Variants in MTNR1A observed in about 807,000 individuals in gnomAD.
The protein encoded by MTNR1A is melatonin receptor type 1A.
A neutral mutation model predicts 5.5 loss-of-function variants in MTNR1A; 7 were observed. The observed-to-expected ratio is 1.28, with a 90% CI of 0.73 to 2.40. The LOEUF (loss-of-function observed/expected upper bound fraction) is 2.40, where lower values mean the gene tolerates loss of function less well. MTNR1A is among the 30% of genes most tolerant of loss of function. MTNR1A has a pLI of 0.00. For synonymous variants in MTNR1A, 196 were observed against 202.7 expected (o/e 0.97, Z 0.28); for missense variants, 441 against 464.4 (o/e 0.95, Z 0.46).
Position 186,534,039 on chromosome 4 carries a change from T to C in MTNR1A, c.703A>G (p.Arg235Gly). The C allele has an allele frequency of 6.2e-7, 1 of 1,614,132 alleles. No homozygotes were observed. The highest frequency in any genetic ancestry group is 8.5e-7 in the Non-Finnish European group (1 of 1,180,046). Residue 235 changes from arginine (R) to glycine (G), a missense_variant, in exon 2 of 2, where the codon AGG becomes GGG. Physicochemically the swap from Arg to Gly is moderately radical, Grantham distance 125. Coordinates refer to ENST00000307161, the MANE Select transcript of MTNR1A (RefSeq NM_005958.4). Reference protein sequence around the residue: ...RKPKLKPQDFRNFVTMFVVFV... With the variant: ...RKPKLKPQDFGNFVTMFVVFV... Reference sequence around the variant, plus strand: ...ACCACAAACATGGTGACAAAATTCCTGAAGTCCTGTGGTTTCAGTTTGGGT... The same window carrying C: ...ACCACAAACATGGTGACAAAATTCCCGAAGTCCTGTGGTTTCAGTTTGGGT...
chr4:186,535,014 A>G (rs1218469362), intron 1 of MTNR1A, among the ~76,000 whole-genome samples: 2 of 152,252 alleles, frequency 1.3e-5, no homozygotes, highest in East Asian at 3.9e-4. Flanking sequence ...TGCTGATCCC[A>G]TAGAGAGGGA....
At chr4:186,548,294 C>A (rs1293642759) in intron 1 of MTNR1A, among the ~76,000 whole-genome samples, 3 of 151,938 alleles carry the variant, frequency 2.0e-5, no homozygotes, top group African/African-American at 7.3e-5. Context: ...CATAATAGAA[C>A]CCTATTTATA....
At chr4:186,545,472 G>A (rs1392483609) in intron 1 of MTNR1A, among the ~76,000 whole-genome samples, 1 of 152,174 alleles carries the variant, frequency 6.6e-6, no homozygotes, top group Non-Finnish European at 1.5e-5. Context: ...GGTGAGCACA[G>A]AGCCTGGCCC....
At chr4:186,550,040 G>A (rs955016953) in intron 1 of MTNR1A, among the ~76,000 whole-genome samples, 2 of 152,168 alleles carry the variant, frequency 1.3e-5, no homozygotes, top group Non-Finnish European at 2.9e-5. Context: ...TGGCATTGCC[G>A]AAAGTGTATA....
intron 1 of MTNR1A, among the ~76,000 whole-genome samples, chr4:186,537,896 T>C (rs953135498): frequency 2.6e-5 from 4 of 152,244 alleles, no homozygotes; most frequent in African/African-American, 9.6e-5. Context: ...TAAGTCAGTA[T>C]GCTGGCAACA....
intron 1 of MTNR1A, among the ~76,000 whole-genome samples, chr4:186,545,042 TC>T (rs1358528983): frequency 1.3e-5 from 2 of 152,136 alleles, no homozygotes; most frequent in African/African-American, 4.8e-5. Flanking sequence ...ACCCCATCCC[TC>T]CCTGACCCTT....
chr4:186,551,545 GGATGGATGGATA>G (rs963362384), intron 1 of MTNR1A, among the ~76,000 whole-genome samples: 8 of 152,062 alleles, frequency 5.3e-5, no homozygotes, highest in Admixed American at 2.0e-4. Context: ...GTAGGTAGGT[GGATGGATGGATA>G]GATGGATGGA....
At position 186,555,028 on chromosome 4, in the gene MTNR1A, C is replaced by T. The variant is rs1259549045; in HGVS notation, c.184+154G>A. Reference sequence around the variant, plus strand: ...GCGCCTTATGAAAAGGCACTTTCAACGGGCAGGCTGGAGAAGAGTCCTCTC... The same window carrying T: ...GCGCCTTATGAAAAGGCACTTTCAATGGGCAGGCTGGAGAAGAGTCCTCTC... On this transcript the variant is annotated intron_variant, in intron 1 of 1. Transcript: ENST00000307161. The surrounding 1 kb of genome is among the most constrained non-coding windows in gnomAD (Gnocchi z 4.1). Among the ~76,000 whole-genome samples the T allele has an allele frequency of 6.6e-6, 1 of 152,192 alleles. No individual in the cohort carries two copies. The highest frequency in any genetic ancestry group is 1.5e-5 in the Non-Finnish European group (1 of 68,032).
intron 1 of MTNR1A, among the ~76,000 whole-genome samples, chr4:186,552,387 C>T (rs939889483): frequency 3.2e-4 from 49 of 152,298 alleles, no homozygotes; most frequent in African/African-American, 1.1e-3. Context: ...ATTGGCTGTA[C>T]TCTACCTCAG....
chr4:186,552,388 T>C (rs1286043487), intron 1 of MTNR1A, among the ~76,000 whole-genome samples: 2 of 152,234 alleles, frequency 1.3e-5, no homozygotes, highest in Non-Finnish European at 2.9e-5. Flanking sequence ...TTGGCTGTAC[T>C]CTACCTCAGT....
chr4:186,555,401 C>A lies in MTNR1A; in HGVS notation c.-36G>T. ...CGCGTCCCGGCCGCGGGGCCATCGC[C>A]CGCCTCGTCCGCCCGCCCGACCACT... On this transcript the variant is annotated 5_prime_UTR_variant, in exon 1 of 2. Coordinates refer to ENST00000307161, the MANE Select transcript of MTNR1A (RefSeq NM_005958.4). The surrounding 1 kb of genome is among the most constrained non-coding windows in gnomAD (Gnocchi z 4.1). The A allele has an allele frequency of 7.4e-7, 1 of 1,354,074 alleles. No individual in the cohort carries two copies. The highest frequency in any genetic ancestry group is 3.2e-5 in the East Asian group (1 of 31,240). 83.9% of individuals were successfully genotyped at this position (1,354,074 alleles called of 1,614,324 possible). A position where few individuals can be genotyped will look rare whatever the true frequency, so the allele number is the denominator to read the frequency against.
chr4:186,534,518 A>G lies in MTNR1A; in HGVS notation c.224T>C (p.Val75Ala), dbSNP rs1392130929. ...FVVSLAVADL[V>A]VAIYPYPLVL... is the part of the protein sequence containing the mutation. ...CAACGGGTACGGATAAATGGCCACC[A>G]CCAGGTCTGCCACCGCTAAGCTCAC... The change falls in exon 2 of 2, where the codon GTG becomes GCG. Residue 75 changes from valine to alanine, a missense_variant. Val to Ala is a moderately conservative substitution (Grantham distance 64, BLOSUM62 0). Coordinates refer to ENST00000307161, the MANE Select transcript of MTNR1A (RefSeq NM_005958.4). The G allele has an allele frequency of 6.2e-7, 1 of 1,613,734 alleles. No individual in the cohort carries two copies. Among genetic ancestry groups the G allele is most frequent in the Non-Finnish European group, 8.5e-7 (1 of 1,180,026 alleles).
Position 186,534,116 on chromosome 4 carries a change from C to T in MTNR1A, c.626G>A (p.Arg209Lys). ...PMIIVIFCYL[R>K]IWILVLQVRQ... Reference sequence around the variant, plus strand: ...GACCTGGAGAACCAGGATCCATATTCTCAGGTAACAGAAGATGACTATGAT... The same window carrying T: ...GACCTGGAGAACCAGGATCCATATTTTCAGGTAACAGAAGATGACTATGAT... The change falls in exon 2 of 2, where the codon AGA (arginine) becomes AAA (lysine). Residue 209 changes from arginine to lysine, a missense_variant. Physicochemically the swap from Arg to Lys is conservative, Grantham distance 26 (BLOSUM62 2). Transcript: ENST00000307161. 1 of 1,614,122 alleles carries T rather than the reference C, an allele frequency of 6.2e-7. No homozygotes were observed. Among genetic ancestry groups the T allele is most frequent in the East Asian group, 2.2e-5 (1 of 44,884 alleles).
In MTNR1A at chr4:186,555,037, T is replaced by G. The variant is rs559512720; in HGVS notation, c.184+145A>C. On this transcript the variant is annotated intron_variant, in intron 1 of 1. Coordinates refer to ENST00000307161, the MANE Select transcript of MTNR1A (RefSeq NM_005958.4). The surrounding 1 kb of genome is among the most constrained non-coding windows in gnomAD (Gnocchi z 4.1). ...GAAAAGGCACTTTCAACGGGCAGGC[T>G]GGAGAAGAGTCCTCTCTAACAGGAA... 5.6e-5 allele frequency: 53 copies of G among 938,790 alleles called. No individual in the cohort carries two copies. In the South Asian group the frequency reaches 7.8e-4, roughly 14 times the overall value. 58.2% of individuals were successfully genotyped at this position (938,790 alleles called of 1,614,324 possible).
intron 1 of MTNR1A, among the ~76,000 whole-genome samples, chr4:186,553,132 A>G (rs1737295912): frequency 6.6e-6 from 1 of 152,208 alleles, no homozygotes; most frequent in Admixed American, 6.5e-5. Context: ...TCTTCTTCCC[A>G]ACATTTCATC....
intron 1 of MTNR1A, among the ~76,000 whole-genome samples, chr4:186,550,500 G>T (rs185405485): frequency 1.5e-4 from 23 of 152,282 alleles, no homozygotes; most frequent in African/African-American, 5.5e-4. Context: ...AGGAAGAATG[G>T]GCAGAATGAG....
intron 1 of MTNR1A, among the ~76,000 whole-genome samples, chr4:186,554,737 C>T (rs1356345520): frequency 2.6e-5 from 4 of 152,166 alleles, no homozygotes; most frequent in South Asian, 4.1e-4. Flanking sequence ...AGACTACTCC[C>T]GAACAACAAG....
intron 1 of MTNR1A, among the ~76,000 whole-genome samples, chr4:186,554,576 T>G (rs975129463): frequency 6.6e-6 from 1 of 152,176 alleles, no homozygotes; most frequent in Admixed American, 6.5e-5. Flanking sequence ...TATACGTAAG[T>G]GTACTCTTTC....
rs746733345 is a variant in MTNR1A, at chr4:186,555,254, T to C, written c.112A>G (p.Ile38Val). 1.3e-5 allele frequency: 20 copies of C among 1,570,164 alleles called. No homozygotes were observed. Among genetic ancestry groups the C allele is most frequent in the Non-Finnish European group, 1.6e-5 (19 of 1,158,748 alleles). ...AGGTTGCCCAGGATGTCCACCACGA[T>C]GGTGAAGATGAGGACGCAGGCCAGG... ...SALACVLIFT[I>V]VVDILGNLLV... Residue 38 changes from isoleucine to valine, a missense_variant, in exon 1 of 2, where the codon ATC becomes GTC. Physicochemically the swap from Ile to Val is conservative, Grantham distance 29. Coordinates refer to ENST00000307161, the MANE Select transcript of MTNR1A (RefSeq NM_005958.4). The surrounding 1 kb of genome is among the most constrained non-coding windows in gnomAD (Gnocchi z 4.1).
Sources: allele counts gnomAD v4.1 joint callset (sites outside exome capture counted in the v4.1 genomes callset), GRCh38; gene constraint gnomAD v4.1.1; non-coding constraint Gnocchi (gnomAD v3.1); transcripts MANE v1.5; gene names NCBI Gene and HGNC (gene_info 2026-07-23, HGNC 2026-07-21).